NUP85: variants seen among roughly 807,000 people sequenced by gnomAD.
NUP85 encodes the protein nuclear pore complex protein Nup85.
In NUP85, 23 loss-of-function variants were observed where a neutral mutation model predicts 92.8. That is an observed-to-expected ratio of 0.25 (90% CI 0.18 to 0.35). The LOEUF (loss-of-function observed/expected upper bound fraction) is 0.35. NUP85 is among the 10% of genes least tolerant of loss of function. The probability of loss-of-function intolerance (pLI) is 1.00; values close to 1 mark genes in which losing one functional copy is unlikely to be tolerated. For missense variants in NUP85, 759 were observed against 822.8 expected (o/e 0.92, Z 0.95); for synonymous variants, 314 against 306.9 (o/e 1.02, Z -0.24).
Position 75,225,081 on chromosome 17 carries a change from A to G in NUP85, c.598-22A>G, listed in dbSNP as rs776445301. The G allele has an allele frequency of 4.6e-6, 7 of 1,522,786 alleles. No individual in the cohort carries two copies. In the South Asian group the frequency reaches 9.1e-5, roughly 20 times the overall value. The allele number at this position is 1,522,786 out of a possible 1,614,324, so 94.3% of individuals were successfully genotyped here. On this transcript the variant is annotated intron_variant, in intron 7 of 18. Transcript: ENST00000245544. Reference sequence around the variant, plus strand: ...AGGGCCAGGCCTCCTGCCAATGCTTATGGGCCCGGATCTCCTCCCAGGTGA... The same window carrying G: ...AGGGCCAGGCCTCCTGCCAATGCTTGTGGGCCCGGATCTCCTCCCAGGTGA...
At chr17:75,220,740 A>T (rs1261405934) in intron 7 of NUP85, among the ~76,000 whole-genome samples, 3 of 151,632 alleles carry the variant, frequency 2.0e-5, no homozygotes, top group Non-Finnish European at 4.4e-5. Context: ...ATACGCCATG[A>T]TGCCCAGCTG....
chr17:75,231,047 C>T lies in NUP85; in HGVS notation c.1095-293C>T. ...CCCAGGCTCAAGCAATACTCCCACC[C>T]CAGCTTCTCGAGTAGCTGGGATTAC... On this transcript the variant is annotated intron_variant, in intron 11 of 18. Transcript: ENST00000245544. This position sits in a 1 kb window ranked among gnomAD's most constrained non-coding sequence, Gnocchi z 4.6. The T allele has an allele frequency of 2.8e-6, 1 of 361,126 alleles. No homozygotes were observed. Among genetic ancestry groups the T allele is most frequent in the Non-Finnish European group, 5.2e-6 (1 of 190,966 alleles). The allele number at this position is 361,126 out of a possible 1,614,324, so 22.4% of individuals were successfully genotyped here.
At position 75,208,550 on chromosome 17, in the gene NUP85, G is replaced by C. The variant is rs778531073; in HGVS notation, c.57G>C (p.Lys19Asn). ...AGTTGATTCCAGGCGTGAATTCCAA[G>C]AAGAACCAAATGTATTTTGACTGGG... ...TVTLIPGVNS[K>N]KNQMYFDWGP... Residue 19 changes from lysine to asparagine, a missense_variant, in exon 2 of 19, where the codon AAG (lysine) becomes AAC (asparagine). Physicochemically the swap from Lys to Asn is moderately conservative, Grantham distance 94. Transcript: ENST00000245544. 1 of 1,604,250 alleles carries C rather than the reference G, an allele frequency of 6.2e-7. No individual in the cohort carries two copies. Among genetic ancestry groups the C allele is most frequent in the South Asian group, 1.1e-5 (1 of 90,558 alleles).
intron 11 of NUP85, among the ~76,000 whole-genome samples, chr17:75,229,477 G>A (rs2075957052): frequency 6.6e-6 from 1 of 152,184 alleles, no homozygotes; most frequent in Admixed American, 6.5e-5. Flanking sequence ...GGGCTACTTT[G>A]GAGCTGATAA....
intron 1 of NUP85, among the ~76,000 whole-genome samples, chr17:75,207,959 C>T (rs2075136812): frequency 6.6e-6 from 1 of 152,000 alleles, no homozygotes; most frequent in Non-Finnish European, 1.5e-5. Context: ...CACTGCAGTC[C>T]AGCCTGGGCA....
chr17:75,233,571 G>A (rs566828139), intron 16 of NUP85, among the ~76,000 whole-genome samples: 95 of 150,288 alleles, frequency 6.3e-4, no homozygotes, highest in African/African-American at 1.1e-3. Context: ...ACAGGCACGC[G>A]GAACCACACC....
At position 75,228,644 on chromosome 17, in the gene NUP85, C is replaced by G. The variant is rs900800018; in HGVS notation, c.1094+2487C>G. 6 of 985,278 alleles carry G rather than the reference C, an allele frequency of 6.1e-6. No homozygotes were observed. The African/African-American group carries it at 8.7e-5, about 14-fold the overall frequency. 61.0% of individuals were successfully genotyped at this position (985,278 alleles called of 1,614,324 possible). On this transcript the variant is annotated intron_variant, in intron 11 of 18. Transcript: ENST00000245544. ...AGTTCTGGGCGGCAGGGAAGTGTGT[C>G]TCTTTCTGGACTTGAGCCAGTGAGC...
chr17:75,226,275 G>C, intron 11 of NUP85, 118 bp downstream of exon 11: 1 of 722,728 alleles, frequency 1.4e-6, no homozygotes, highest in East Asian at 2.6e-5. Flanking sequence ...TGCTATCTTA[G>C]TCCATCTCAC....
At chr17:75,220,615 T>A (rs1281616554) in intron 7 of NUP85, among the ~76,000 whole-genome samples, 1 of 151,676 alleles carries the variant, frequency 6.6e-6, no homozygotes, top group Admixed American at 6.6e-5. Flanking sequence ...TGAGATGGCG[T>A]CTTTCTCTGT....
chr17:75,225,262 C>G, intron 8 of NUP85, 25 bp downstream of exon 8: 1 of 1,606,048 alleles, frequency 6.2e-7, no homozygotes, highest in Non-Finnish European at 8.5e-7. Context: ...CTTTGCTCTG[C>G]TGGGTCACAG....
chr17:75,208,278 A>AT (rs1212196465), intron 1 of NUP85: 2 of 380,598 alleles, frequency 5.3e-6, no homozygotes, highest in Admixed American at 4.7e-5. Flanking sequence ...TCTACTAAAA[A>AT]TGAAAAAAAA....
Position 75,228,555 on chromosome 17 carries a change from A to G in NUP85, c.1094+2398A>G, listed in dbSNP as rs183699450. 2.7e-3 allele frequency: 2,686 copies of G among 985,384 alleles called. 2 individuals carry two copies. Among genetic ancestry groups the G allele is most frequent in the Non-Finnish European group, 3.0e-3 (2,517 of 829,930 alleles). The allele number at this position is 985,384 out of a possible 1,614,324, so 61.0% of individuals were successfully genotyped here. A position where few individuals can be genotyped will look rare whatever the true frequency, so the allele number is the denominator to read the frequency against. On this transcript the variant is annotated intron_variant, in intron 11 of 18. Coordinates refer to ENST00000245544, the MANE Select transcript of NUP85 (RefSeq NM_024844.5). Reference sequence around the variant, plus strand: ...AGTGTGCCCTCCTGGCTCTGGGGAAAGGTTGAATTGGGGTCTTGTGGGCAC... The same window carrying G: ...AGTGTGCCCTCCTGGCTCTGGGGAAGGGTTGAATTGGGGTCTTGTGGGCAC...
At position 75,233,172 on chromosome 17, in the gene NUP85, T is replaced by C. The variant is rs748284621; in HGVS notation, c.1615+14T>C. 6.2e-7 allele frequency: 1 copy of C among 1,611,884 alleles called. No individual in the cohort carries two copies. Among genetic ancestry groups the C allele is most frequent in the Non-Finnish European group, 8.5e-7 (1 of 1,178,308 alleles). On this transcript the variant is annotated intron_variant, in intron 16 of 18. Transcript: ENST00000245544. ...TGACATTCCTGGGTGAGTCTCTGGG[T>C]TTTGTGCCCTGTGCTTTGGGCACAA...
At chr17:75,216,555 G>A (rs1353866307) in intron 6 of NUP85, among the ~76,000 whole-genome samples, 2 of 152,112 alleles carry the variant, frequency 1.3e-5, no homozygotes, top group Non-Finnish European at 1.5e-5. Flanking sequence ...GTGAGCCACC[G>A]TGCCCAGCCT....
intron 11 of NUP85, among the ~76,000 whole-genome samples, chr17:75,230,235 G>T (rs1187955442): frequency 6.6e-6 from 1 of 151,912 alleles, no homozygotes; most frequent in Non-Finnish European, 1.5e-5. Flanking sequence ...TGGAGATGGG[G>T]TTTTGCCATT....
At chr17:75,216,352 AC>A (rs1568074360) in intron 6 of NUP85, 2 of 151,634 alleles carry the variant, frequency 1.3e-5, no homozygotes, top group African/African-American at 4.9e-5. Context: ...CGCAACCTCC[AC>A]CTCCTGGGTT....
At chr17:75,224,892 T>C (rs952637449) in intron 7 of NUP85, among the ~76,000 whole-genome samples, 1 of 149,602 alleles carries the variant, frequency 6.7e-6, no homozygotes, top group African/African-American at 2.5e-5. Flanking sequence ...TTGAAAAACA[T>C]AGTGGAGGTG....
intron 14 of NUP85, 38 bp from the exon 15 acceptor site, chr17:75,232,813 G>A (rs768611582): frequency 1.3e-6 from 2 of 1,574,180 alleles, no homozygotes; most frequent in Non-Finnish European, 1.7e-6. Flanking sequence ...GTGATTTGTG[G>A]AGTGAAAGCC....
At chr17:75,209,798 A>T (rs746726136) in intron 2 of NUP85, 25 bp from the exon 3 acceptor site, 35 of 1,478,764 alleles carry the variant, frequency 2.4e-5, no homozygotes, top group East Asian at 9.8e-5. Flanking sequence ...TAGATGTTAA[A>T]TTTTTTTTTT....
Sources: gnomAD v4.1 joint callset for allele counts (sites outside exome capture counted in the v4.1 genomes callset) on GRCh38, gnomAD v4.1.1 for gene constraint, Gnocchi (gnomAD v3.1) non-coding constraint, MANE v1.5 for transcripts, NCBI Gene and HGNC (gene_info 2026-07-23, HGNC 2026-07-21) for gene names.